The following MARVELD3 variants were observed in gnomAD, a reference collection of about 807,000 sequenced individuals.
MARVELD3 encodes MARVEL domain-containing protein 3.
In MARVELD3, 28 loss-of-function variants were observed where a neutral mutation model predicts 33.5. The ratio of observed to expected loss-of-function variants is 0.84; its 90% CI spans 0.62 to 1.15. The LOEUF (loss-of-function observed/expected upper bound fraction) is 1.15. Ranked by LOEUF, MARVELD3 falls within the 50% of genes most tolerant of loss-of-function variation. The pLI is 0.00. For synonymous variants in MARVELD3, 241 were observed against 230.4 expected (o/e 1.05, Z -0.42); for missense variants, 582 against 547.6 (o/e 1.06, Z -0.63).
chr16:71,637,176 A>G (rs953270204), downstream of MARVELD3, among the ~76,000 whole-genome samples: 7 of 152,046 alleles, frequency 4.6e-5, no homozygotes, highest in Non-Finnish European at 7.4e-5. Context: ...AACAGTCCGA[A>G]TATCATTGGA....
intron 2 of MARVELD3, among the ~76,000 whole-genome samples, chr16:71,631,568 GC>G (rs2044533443): frequency 6.6e-6 from 1 of 151,942 alleles, no homozygotes; most frequent in African/African-American, 2.4e-5. Context: ...TCCTGCCTCA[GC>G]CTCCCGAGTG....
chr16:71,627,114 C>T (rs2044481293), intron 1 of MARVELD3, among the ~76,000 whole-genome samples: 1 of 152,212 alleles, frequency 6.6e-6, no homozygotes, highest in Non-Finnish European at 1.5e-5. Flanking sequence ...CTTCCCGACT[C>T]CAAAGTCCCC....
At chr16:71,641,828 A>G (rs1346010554) in exon 3 of MARVELD3, 1 of 152,186 alleles carries the variant, frequency 6.6e-6, no homozygotes, top group Non-Finnish European at 1.5e-5. Flanking sequence ...AGGCTTTTTC[A>G]TTTCTGCATT....
Position 71,635,960 on chromosome 16 carries a change from C to A in MARVELD3, c.*1157C>A. The A allele has an allele frequency of 2.0e-6, 2 of 985,328 alleles. No individual in the cohort carries two copies. The highest frequency in any genetic ancestry group is 2.4e-6 in the Non-Finnish European group (2 of 829,908). The allele number at this position is 985,328 out of a possible 1,614,324, so 61.0% of individuals were successfully genotyped here. A position where few individuals can be genotyped will look rare whatever the true frequency, so the allele number is the denominator to read the frequency against. Reference sequence around the variant, plus strand: ...TGTGCCATTGTGTGAAGCATTAAACCCAACATCTAGAATTCAGGATTCATC... The same window carrying A: ...TGTGCCATTGTGTGAAGCATTAAACACAACATCTAGAATTCAGGATTCATC... On this transcript the variant is annotated 3_prime_UTR_variant, in exon 3 of 3. Transcript: ENST00000268485.
At chr16:71,639,717 G>T (rs138896322), downstream of MARVELD3, among the ~76,000 whole-genome samples, 1 of 152,168 alleles carries the variant, frequency 6.6e-6, no homozygotes, top group African/African-American at 2.4e-5. Flanking sequence ...AAAGTGCTGA[G>T]ATTACAGGCG....
Position 71,626,512 on chromosome 16 carries a change from AG to A in MARVELD3, c.286del (p.Asp96ThrfsTer27). On this transcript the variant is annotated frameshift_variant, in exon 1 of 3. Coordinates refer to ENST00000268485, the MANE Select transcript of MARVELD3 (RefSeq NM_052858.6). LOFTEE classifies it high-confidence loss of function. The surrounding 1 kb of genome is among the most constrained non-coding windows in gnomAD (Gnocchi z 5.3). ...PDRGPRRDTH[R>X]DAGPRAGEHG... ...CCGAGGCCCCCGCCGGGACACACAC[AG>A]GGACGCGGGCCCTCGCGCAGGTGAA... 1 of 1,549,806 alleles carries A rather than the reference AG, an allele frequency of 6.5e-7. No individual in the cohort carries two copies. Among genetic ancestry groups the A allele is most frequent in the South Asian group, 1.2e-5 (1 of 84,044 alleles).
chr16:71,634,647 C>A lies in MARVELD3; in HGVS notation c.1050C>A (p.Ser350Arg), dbSNP rs777892291. The A allele has an allele frequency of 1.9e-6, 3 of 1,614,186 alleles. No homozygotes were observed. The East Asian group carries it at 6.7e-5, about 36-fold the overall frequency. ...RQALYQSKGY[S>R]GFGCSFHGAD... Reference sequence around the variant, plus strand: ...CGCTGTACCAAAGCAAAGGCTACAGCGGTTTCGGCTGCAGTTTCCACGGAG... The same window carrying A: ...CGCTGTACCAAAGCAAAGGCTACAGAGGTTTCGGCTGCAGTTTCCACGGAG... The change falls in exon 3 of 3, where the codon AGC becomes AGA. Residue 350 changes from serine to arginine, a missense_variant. Transcript: ENST00000268485.
chr16:71,629,179 C>T (rs1567603759), intron 1 of MARVELD3, 188 bp from the exon 2 acceptor site: 6 of 581,890 alleles, frequency 1.0e-5, no homozygotes, highest in Non-Finnish European at 1.7e-5. Flanking sequence ...GTTAGTGGAG[C>T]TGGGCCAAGT....
intron 2 of MARVELD3, among the ~76,000 whole-genome samples, chr16:71,633,777 C>T (rs9931074): frequency 0.85 from 128,538 of 150,444 alleles, 55,040 homozygotes; most frequent in East Asian, 0.99. Context: ...GCTCAAGCAG[C>T]CCTCCCACCT....
chr16:71,629,498 A>C lies in MARVELD3; in HGVS notation c.595+4A>C. On this transcript the variant is annotated splice_donor_region_variant and intron_variant, in intron 2 of 2. Transcript: ENST00000268485. ...AAATACTTGTGCACTGGGAGAGGTG[A>C]GCCGTTTTGCAGGCTGTTTGATCAT... The C allele has an allele frequency of 6.4e-7, 1 of 1,563,998 alleles. No homozygotes were observed. Among genetic ancestry groups the C allele is most frequent in the Non-Finnish European group, 8.6e-7 (1 of 1,160,696 alleles).
chr16:71,629,322 T>C (rs1186965343), intron 1 of MARVELD3, 45 bp from the exon 2 acceptor site: 2 of 1,507,174 alleles, frequency 1.3e-6, no homozygotes, highest in Non-Finnish European at 1.8e-6. Flanking sequence ...TGAACGCTAT[T>C]GAATGAGACA....
At chr16:71,627,787 G>A (rs554544112) in intron 1 of MARVELD3, among the ~76,000 whole-genome samples, 1 of 152,240 alleles carries the variant, frequency 6.6e-6, no homozygotes, top group Non-Finnish European at 1.5e-5. Context: ...GGGGGGGGAA[G>A]GGAAGACAAG....
Position 71,634,621 on chromosome 16 carries a change from G to A in MARVELD3, c.1024G>A (p.Ala342Thr), listed in dbSNP as rs376785387. The A allele has an allele frequency of 2.5e-6, 4 of 1,614,076 alleles. No homozygotes were observed. Among genetic ancestry groups the A allele is most frequent in the Non-Finnish European group, 3.4e-6 (4 of 1,180,056 alleles). ...CTCTCCTGTGTGTAAAGAGAGGCAGGCGCTGTACCAAAGCAAAGGCTACAG... is the reference window on the plus strand; with the variant it reads ...CTCTCCTGTGTGTAAAGAGAGGCAGACGCTGTACCAAAGCAAAGGCTACAG... ...YGSPVCKERQ[A>T]LYQSKGYSGF... is the part of the protein sequence containing the mutation. Residue 342 changes from alanine (A) to threonine (T), a missense_variant, in exon 3 of 3, where the codon GCG becomes ACG. Ala to Thr is a moderately conservative substitution (Grantham distance 58, BLOSUM62 0). Transcript: ENST00000268485.
chr16:71,634,568 A>G lies in MARVELD3; in HGVS notation c.971A>G (p.Tyr324Cys). The change falls in exon 3 of 3, where the codon TAC (tyrosine) becomes TGC (cysteine). Residue 324 changes from tyrosine to cysteine, a missense_variant. Transcript: ENST00000268485. ...GGGTACATCCCGGCCTTGTACTTCT[A>G]CTTCCACTACCTCTCTGCTGCCTAT... is the stretch of plus-strand genomic sequence containing the variant. ...AGGYIPALYF[Y>C]FHYLSAAYGS... The G allele has an allele frequency of 3.1e-6, 5 of 1,614,108 alleles. No homozygotes were observed. Among genetic ancestry groups the G allele is most frequent in the Non-Finnish European group, 4.2e-6 (5 of 1,180,022 alleles).
At chr16:71,641,022 CTT>C (rs1437561941), downstream of MARVELD3, 13 of 1,596,242 alleles carry the variant, frequency 8.1e-6, no homozygotes, top group African/African-American at 5.4e-5. Context: ...GTCTGGAACT[CTT>C]TGAGATCTTC....
chr16:71,639,286 G>C (rs1301126338), downstream of MARVELD3: 2 of 151,722 alleles, frequency 1.3e-5, no homozygotes, highest in East Asian at 3.9e-4. Flanking sequence ...GTCCAGGCTG[G>C]TCATGAACTC....
intron 1 of MARVELD3, among the ~76,000 whole-genome samples, chr16:71,628,729 C>A (rs1234575193): frequency 1.3e-5 from 2 of 151,878 alleles, no homozygotes; most frequent in East Asian, 1.9e-4. Context: ...CCTGTGCATG[C>A]TAAAAGTTTG....
At chr16:71,629,732 G>C (rs2044510202) in intron 2 of MARVELD3, 1 of 477,496 alleles carries the variant, frequency 2.1e-6, no homozygotes, top group South Asian at 4.9e-5. Flanking sequence ...GGTTTGCAAA[G>C]GCAAGCAGCC....
chr16:71,640,850 G>A, downstream of MARVELD3: 5 of 1,614,216 alleles, frequency 3.1e-6, no homozygotes, highest in Non-Finnish European at 4.2e-6. Context: ...TGGACTGCCA[G>A]CTGGCAGGCA....
Sources: gnomAD v4.1 joint callset for allele counts (sites outside exome capture counted in the v4.1 genomes callset) on GRCh38, gnomAD v4.1.1 for gene constraint, Gnocchi (gnomAD v3.1) non-coding constraint, MANE v1.5 for transcripts, NCBI Gene and HGNC (gene_info 2026-07-23, HGNC 2026-07-21) for gene names.